Variants in LPIN2 observed in about 807,000 individuals in gnomAD.
The protein encoded by LPIN2 is phosphatidate phosphatase LPIN2.
Under a neutral mutation model 111.4 loss-of-function variants are expected in LPIN2, and 55 were observed. The ratio of observed to expected loss-of-function variants is 0.49; its 90% CI spans 0.40 to 0.62. LPIN2 has a LOEUF of 0.62. LPIN2 is among the 20% of genes least tolerant of loss of function. The probability of loss-of-function intolerance (pLI) is 0.00; values close to 1 mark genes in which losing one functional copy is unlikely to be tolerated. For synonymous variants in LPIN2, 425 were observed against 414.0 expected (o/e 1.03, Z -0.32); for missense variants, 992 against 1,112.1 (o/e 0.89, Z 1.54).
chr18:2,949,192 T>C (rs1420468057), intron 4 of LPIN2, among the ~76,000 whole-genome samples: 1 of 152,170 alleles, frequency 6.6e-6, no homozygotes. Context: ...GAAGGACAAA[T>C]AACCTTTAAA....
At chr18:2,938,245 C>T (rs975687579) in intron 6 of LPIN2, among the ~76,000 whole-genome samples, 2 of 152,022 alleles carry the variant, frequency 1.3e-5, no homozygotes, top group South Asian at 2.1e-4. Context: ...ATGTTCTGGC[C>T]GGGCACAGTG....
chr18:2,924,858 G>A (rs955228547), intron 14 of LPIN2, among the ~76,000 whole-genome samples: 1 of 152,220 alleles, frequency 6.6e-6, no homozygotes, highest in Non-Finnish European at 1.5e-5. Context: ...TTTTCATACC[G>A]AAAATGGGTC....
intron 1 of LPIN2, among the ~76,000 whole-genome samples, chr18:2,961,988 A>G (rs1401334297): frequency 6.6e-6 from 1 of 152,206 alleles, no homozygotes; most frequent in Non-Finnish European, 1.5e-5. Flanking sequence ...CCATGCTCTG[A>G]AAAGTTTCAG....
At chr18:2,947,045 C>T (rs1409382941) in intron 4 of LPIN2, among the ~76,000 whole-genome samples, 3 of 152,194 alleles carry the variant, frequency 2.0e-5, no homozygotes, top group Non-Finnish European at 4.4e-5. Context: ...AAGCCAATTA[C>T]CGATCAGGAG....
intron 2 of LPIN2, among the ~76,000 whole-genome samples, chr18:2,959,303 A>G (rs982626173): frequency 2.6e-5 from 4 of 152,336 alleles, no homozygotes; most frequent in East Asian, 3.8e-4. Context: ...AAGAATATCT[A>G]GTTTTGTGAA....
intron 1 of LPIN2, chr18:2,978,900 G>T (rs979729371): frequency 2.0e-5 from 3 of 152,238 alleles, no homozygotes; most frequent in South Asian, 2.1e-4. Context: ...AGATTCTACT[G>T]CAAGTACTTT....
chr18:2,937,946 T>C lies in LPIN2; in HGVS notation c.914A>G (p.Asp305Gly), dbSNP rs746017379. The C allele has an allele frequency of 6.2e-7, 1 of 1,614,102 alleles. No homozygotes were observed. The change falls in exon 7 of 20, where the codon GAC becomes GGC. Residue 305 changes from aspartate (D) to glycine (G), a missense_variant. By Grantham distance (94) the Asp-to-Gly change is moderately conservative. This residue lies in a region of LPIN2 where 709 missense variants were observed against 753.2 expected (regional missense o/e 0.94). Coordinates refer to ENST00000677752, the MANE Select transcript of LPIN2 (RefSeq NM_001375808.2). ...NTHFRVIPSEDNLISEVEKDA... is the reference protein window; with the variant it reads ...NTHFRVIPSEGNLISEVEKDA... ...CTTCTCAACTTCACTGATGAGGTTGTCCTCACTGGGAATTACCCGAAAATG... is the reference window on the plus strand; with the variant it reads ...CTTCTCAACTTCACTGATGAGGTTGCCCTCACTGGGAATTACCCGAAAATG...
At chr18:2,984,789 T>G (rs1367545419) in intron 1 of LPIN2, among the ~76,000 whole-genome samples, 2 of 151,920 alleles carry the variant, frequency 1.3e-5, no homozygotes, top group Non-Finnish European at 2.9e-5. Context: ...TCAGCAAAGG[T>G]GCCAGGGAGA....
Position 2,929,253 on chromosome 18 carries a change from AATC to A in LPIN2, c.1457-98_1457-96del, listed in dbSNP as rs143599992. The stretch of plus-strand genomic sequence containing the variant: ...CTGCATTGCAGAAATTGAAGGCTAA[AATC>A]ATCTGTCTAAAAAAACTAATTTTTG... On this transcript the variant is annotated intron_variant, in intron 9 of 19. Coordinates refer to ENST00000677752, the MANE Select transcript of LPIN2 (RefSeq NM_001375808.2). 5.7e-3 allele frequency: 4,897 copies of A among 863,574 alleles called. 166 individuals carry two copies. The African/African-American group carries it at 0.074, about 13-fold the overall frequency. The allele number at this position is 863,574 out of a possible 1,614,324, so 53.5% of individuals were successfully genotyped here.
intron 4 of LPIN2, chr18:2,945,521 T>A (rs141874771): frequency 8.8e-7 from 1 of 1,137,890 alleles, no homozygotes; most frequent in East Asian, 2.4e-5. Context: ...CTGAAATACG[T>A]AATAGCCTTC....
intron 4 of LPIN2, among the ~76,000 whole-genome samples, chr18:2,948,831 A>T (rs1241644729): frequency 4.7e-4 from 69 of 147,776 alleles, no homozygotes; most frequent in Non-Finnish European, 2.7e-4. Flanking sequence ...TTTTTTTTTT[A>T]AAGACAGAGT....
rs186024535 is a variant in LPIN2 at position 2,961,754 on chromosome 18, T to C, written c.-9-905A>G. On this transcript the variant is annotated intron_variant, in intron 1 of 19. Coordinates refer to ENST00000677752, the MANE Select transcript of LPIN2 (RefSeq NM_001375808.2). The stretch of plus-strand genomic sequence containing the variant: ...GAATACACCCCCACATTTTATTCAT[T>C]AGATGCTGACACCCCTAATATTATG... Among the ~76,000 whole-genome samples, 10 of 152,286 alleles carry C rather than the reference T, an allele frequency of 6.6e-5. No individual in the cohort carries two copies. In the East Asian group the frequency reaches 1.9e-3, roughly 29 times the overall value.
At chr18:3,003,474 G>A (rs1414882439) in intron 1 of LPIN2, among the ~76,000 whole-genome samples, 6 of 152,178 alleles carry the variant, frequency 3.9e-5, no homozygotes, top group African/African-American at 1.4e-4. Context: ...AGCAGGAGCC[G>A]AGGCAGAAGA....
At chr18:2,923,718 GTTCT>G in intron 16 of LPIN2, 53 bp downstream of exon 16, 1 of 1,413,054 alleles carries the variant, frequency 7.1e-7, no homozygotes. Context: ...TTGTTCTATA[GTTCT>G]TAAAGCAAGC....
chr18:2,975,225 A>G (rs2077991871), intron 1 of LPIN2, among the ~76,000 whole-genome samples: 1 of 152,218 alleles, frequency 6.6e-6, no homozygotes, highest in Non-Finnish European at 1.5e-5. Flanking sequence ...CTGAAACCTA[A>G]AACAGCTCCT....
At position 2,925,136 on chromosome 18, in the gene LPIN2, G is replaced by A; in HGVS notation, c.1938+88C>T. ...ATGCCGTGTGGCGTGTATGCAGCTG[G>A]GGACGTGTGGACAGAAGAGGATGTG... On this transcript the variant is annotated intron_variant, in intron 14 of 19. Coordinates refer to ENST00000677752, the MANE Select transcript of LPIN2 (RefSeq NM_001375808.2). The surrounding 1 kb of genome is among the most constrained non-coding windows in gnomAD (Gnocchi z 4.1). 1.3e-6 allele frequency: 2 copies of A among 1,516,010 alleles called. No individual in the cohort carries two copies. The highest frequency in any genetic ancestry group is 1.8e-6 in the Non-Finnish European group (2 of 1,096,198). 93.9% of individuals were successfully genotyped at this position (1,516,010 alleles called of 1,614,324 possible).
intron 1 of LPIN2, among the ~76,000 whole-genome samples, chr18:2,990,135 A>G (rs534404405): frequency 4.6e-5 from 7 of 152,312 alleles, no homozygotes; most frequent in Middle Eastern, 3.4e-3. Context: ...AAAAGAATGA[A>G]GTTGGAACCC....
intron 1 of LPIN2, among the ~76,000 whole-genome samples, chr18:2,972,786 T>C (rs1412958716): frequency 6.6e-6 from 1 of 152,204 alleles, no homozygotes; most frequent in Non-Finnish European, 1.5e-5. Flanking sequence ...TGGTTCCTGT[T>C]CCCACATTTC....
At chr18:2,946,254 G>C (rs779984105) in intron 4 of LPIN2, 3 of 1,549,418 alleles carry the variant, frequency 1.9e-6, no homozygotes, top group Non-Finnish European at 1.8e-6. Context: ...GCTTGAATGT[G>C]TTCCTGAAAT....
Sources: gnomAD v4.1 joint callset for allele counts (sites outside exome capture counted in the v4.1 genomes callset) on GRCh38, gnomAD v4.1.1 for gene constraint, gnomAD v4.1.1 regional missense constraint, Gnocchi (gnomAD v3.1) non-coding constraint, MANE v1.5 for transcripts, NCBI Gene and HGNC (gene_info 2026-07-23, HGNC 2026-07-21) for gene names.